RPS6KC1: variants seen among roughly 807,000 people sequenced by gnomAD.
RPS6KC1 encodes inactive ribosomal protein S6 kinase delta-1.
RPS6KC1 carries 54 observed loss-of-function variants against 103.8 expected under a neutral mutation model. That is an observed-to-expected ratio of 0.52 (90% CI 0.42 to 0.65). RPS6KC1 has a LOEUF of 0.65. RPS6KC1 is among the 30% of genes least tolerant of loss of function. The probability of loss-of-function intolerance (pLI) is 0.00; values close to 1 mark genes in which losing one functional copy is unlikely to be tolerated. For missense variants in RPS6KC1, 1,151 were observed against 1,253.8 expected, an observed-to-expected ratio of 0.92 and a Z score of 1.24; for synonymous variants, 439 against 438.7, an observed-to-expected ratio of 1.00 and a Z score of -0.01.
At position 213,117,304 on chromosome 1, in the gene RPS6KC1, C is replaced by A; in HGVS notation, c.379-13C>A. 6.6e-7 allele frequency: 1 copy of A among 1,510,498 alleles called. No individual in the cohort carries two copies. The highest frequency in any genetic ancestry group is 9.1e-7 in the Non-Finnish European group (1 of 1,095,978). The allele number at this position is 1,510,498 out of a possible 1,614,324, so 93.6% of individuals were successfully genotyped here. On this transcript the variant is annotated splice_polypyrimidine_tract_variant and intron_variant, in intron 4 of 14. Coordinates refer to ENST00000366960, the MANE Select transcript of RPS6KC1 (RefSeq NM_012424.6). ...TTAATGCTAATGAAACACAATTGCT[C>A]TTATCTCTTTAGGGTGGAATAATTA...
the RPS6KC1 span, among the ~76,000 whole-genome samples, chr1:213,660,016 C>T: frequency 6.6e-5 from 10 of 152,066 alleles, no homozygotes; most frequent in Non-Finnish European, 8.8e-5. Context: ...TACCTAGAGC[C>T]GGGTGTGTGT....
At chr1:213,098,028 G>GT (rs1367283854) in intron 3 of RPS6KC1, among the ~76,000 whole-genome samples, 1 of 152,198 alleles carries the variant, frequency 6.6e-6, no homozygotes, top group Non-Finnish European at 1.5e-5. Context: ...GTTCACTGGA[G>GT]TAACACTTTT....
At chr1:213,842,612 A>C in the RPS6KC1 span, among the ~76,000 whole-genome samples, 1 of 152,230 alleles carries the variant, frequency 6.6e-6, no homozygotes. Context: ...CTCTACTAAT[A>C]GCCCCACAAC....
chr1:213,118,443 T>A (rs1464377154), intron 5 of RPS6KC1, among the ~76,000 whole-genome samples: 2 of 152,190 alleles, frequency 1.3e-5, no homozygotes, highest in Non-Finnish European at 2.9e-5. Flanking sequence ...TGCTTATCTC[T>A]TTCATGAGTA....
At chr1:213,308,474 T>A in the RPS6KC1 span, among the ~76,000 whole-genome samples, 1 of 152,154 alleles carries the variant, frequency 6.6e-6, no homozygotes. Context: ...AAACATTTTC[T>A]CCATTGAGAC....
the RPS6KC1 span, among the ~76,000 whole-genome samples, chr1:213,526,975 T>C: frequency 6.6e-6 from 1 of 152,226 alleles, no homozygotes; most frequent in Admixed American, 6.5e-5. Context: ...AGCCAATTCA[T>C]TGGATGGCTT....
chr1:213,731,432 CA>C, the RPS6KC1 span: 1 of 152,024 alleles, frequency 6.6e-6, no homozygotes, highest in South Asian at 2.1e-4. Flanking sequence ...CCTATTCTAT[CA>C]AGGATCGGTA....
the RPS6KC1 span, among the ~76,000 whole-genome samples, chr1:213,512,837 T>C: frequency 6.6e-6 from 1 of 152,176 alleles, no homozygotes; most frequent in Non-Finnish European, 1.5e-5. Context: ...TGCCAAGACA[T>C]AGGAATTAGT....
the RPS6KC1 span, among the ~76,000 whole-genome samples, chr1:213,363,621 G>GCTTT: frequency 1.3e-3 from 115 of 85,946 alleles, 3 homozygotes; most frequent in Admixed American, 1.9e-3. Context: ...TTGCTTGCTT[G>GCTTT]CTTGCTTTCT....
chr1:213,384,234 C>T, the RPS6KC1 span, among the ~76,000 whole-genome samples: 1 of 151,686 alleles, frequency 6.6e-6, no homozygotes. Flanking sequence ...TGAGACCATG[C>T]CACTGCACTC....
chr1:213,756,627 C>CT, the RPS6KC1 span, among the ~76,000 whole-genome samples: 93 of 151,908 alleles, frequency 6.1e-4, no homozygotes, highest in African/African-American at 2.1e-3. Context: ...CCCTCTTCCA[C>CT]TTTTTTTTGA....
chr1:213,363,642 CTTTCT>C, the RPS6KC1 span, among the ~76,000 whole-genome samples: 1 of 56,746 alleles, frequency 1.8e-5, no homozygotes, highest in Non-Finnish European at 3.2e-5. Flanking sequence ...TTCTTTCTTT[CTTTCT>C]TTCTTTCTTT....
At chr1:213,206,796 A>C (rs1490348694) in intron 8 of RPS6KC1, among the ~76,000 whole-genome samples, 1 of 152,062 alleles carries the variant, frequency 6.6e-6, no homozygotes, top group Non-Finnish European at 1.5e-5. Flanking sequence ...CCTTGTACAA[A>C]ATTTTTTCTC....
intron 1 of RPS6KC1, among the ~76,000 whole-genome samples, chr1:213,060,492 G>C (rs747106150): frequency 1.3e-5 from 2 of 152,126 alleles, no homozygotes; most frequent in African/African-American, 4.8e-5. Flanking sequence ...CTAGAGTCTA[G>C]TTTTATTCTA....
the RPS6KC1 span, among the ~76,000 whole-genome samples, chr1:213,767,564 C>G: frequency 6.6e-6 from 1 of 151,880 alleles, no homozygotes; most frequent in South Asian, 2.1e-4. Flanking sequence ...CAATATCTCT[C>G]TCTGTCAGTC....
intron 6 of RPS6KC1, 148 bp from the exon 7 acceptor site, chr1:213,167,710 C>A: frequency 2.1e-6 from 1 of 466,578 alleles, no homozygotes; most frequent in Non-Finnish European, 3.8e-6. Context: ...TTGGTTGATA[C>A]TAATAACTTT....
the RPS6KC1 span, among the ~76,000 whole-genome samples, chr1:213,366,834 A>G: frequency 1.1e-4 from 17 of 152,234 alleles, no homozygotes; most frequent in Non-Finnish European, 2.1e-4. Flanking sequence ...TTTGGTTATC[A>G]GAAATTTCTT....
chr1:213,330,019 G>C, the RPS6KC1 span, among the ~76,000 whole-genome samples: 1 of 152,246 alleles, frequency 6.6e-6, no homozygotes. Context: ...CTCTCTACCA[G>C]CCTGGTGGAG....
chr1:213,667,666 T>A, the RPS6KC1 span, among the ~76,000 whole-genome samples: 346 of 152,294 alleles, frequency 2.3e-3, 1 homozygote, highest in Non-Finnish European at 3.9e-3. Context: ...ACTCTGTCTT[T>A]CACAAAAGGT....
Sources: gnomAD v4.1 joint callset for allele counts (sites outside exome capture counted in the v4.1 genomes callset) on GRCh38, gnomAD v4.1.1 for gene constraint, MANE v1.5 for transcripts, NCBI Gene and HGNC (gene_info 2026-07-23, HGNC 2026-07-21) for gene names.